RGS6: variants seen among roughly 807,000 people sequenced by gnomAD.
The protein encoded by RGS6 is regulator of G-protein signaling 6.
Under a neutral mutation model 78.5 loss-of-function variants are expected in RGS6, and 30 were observed. The observed-to-expected ratio is 0.38, with a 90% CI of 0.29 to 0.52. RGS6 has a LOEUF of 0.52. RGS6 is among the 20% of genes least tolerant of loss of function. RGS6 has a pLI of 0.85. For missense variants in RGS6, 495 were observed against 609.7 expected (o/e 0.81, Z 1.98); for synonymous variants, 206 against 206.0 (o/e 1.00, Z 0.00).
At chr14:72,547,880 G>GT (rs1467565874) in intron 17 of RGS6, among the ~76,000 whole-genome samples, 1 of 152,166 alleles carries the variant, frequency 6.6e-6, no homozygotes, top group Admixed American at 6.5e-5. Flanking sequence ...CACCCCCCGT[G>GT]GCGGTCTGGC....
At chr14:71,964,189 T>C (rs1347644202) in intron 1 of RGS6, among the ~76,000 whole-genome samples, 1 of 152,212 alleles carries the variant, frequency 6.6e-6, no homozygotes. Flanking sequence ...AATGATTGGC[T>C]TCAACTGTCT....
intron 3 of RGS6, among the ~76,000 whole-genome samples, chr14:72,384,831 A>G (rs1472807679): frequency 1.3e-5 from 2 of 152,096 alleles, no homozygotes; most frequent in Admixed American, 6.6e-5. Context: ...TCTCACTGCA[A>G]TCTCCGCCTC....
At chr14:72,112,343 G>T (rs1271134970) in intron 2 of RGS6, among the ~76,000 whole-genome samples, 2 of 152,122 alleles carry the variant, frequency 1.3e-5, no homozygotes, top group African/African-American at 4.8e-5. Flanking sequence ...CCCATATTAG[G>T]CTGCTAAGGT....
chr14:72,287,762 T>A (rs1393787629), intron 2 of RGS6, among the ~76,000 whole-genome samples: 1 of 152,216 alleles, frequency 6.6e-6, no homozygotes, highest in Admixed American at 6.5e-5. Flanking sequence ...CCAGCCAACT[T>A]TTTTATATTG....
chr14:72,412,387 G>T (rs1311320996), intron 3 of RGS6, among the ~76,000 whole-genome samples: 1 of 151,940 alleles, frequency 6.6e-6, no homozygotes, highest in Non-Finnish European at 1.5e-5. Context: ...ATGGTAGTTT[G>T]TATTTCTGTG....
chr14:72,551,783 ACACT>A (rs1039508688), intron 17 of RGS6, among the ~76,000 whole-genome samples: 3 of 152,264 alleles, frequency 2.0e-5, no homozygotes, highest in Admixed American at 6.5e-5. Flanking sequence ...TTGGGAGCTC[ACACT>A]CACAGTGTTG....
chr14:71,931,018 G>T (rs1334716683), upstream of RGS6, among the ~76,000 whole-genome samples: 3 of 52,718 alleles, frequency 5.7e-5, no homozygotes. Context: ...AAAAAAAAAA[G>T]CAGAGCTCCT....
chr14:72,453,930 A>C (rs2095561989), intron 3 of RGS6, among the ~76,000 whole-genome samples: 1 of 152,224 alleles, frequency 6.6e-6, no homozygotes, highest in South Asian at 2.1e-4. Context: ...CAGGTCTGGA[A>C]GTGGCATATG....
At chr14:72,004,590 T>C (rs558642217) in intron 2 of RGS6, among the ~76,000 whole-genome samples, 1 of 152,288 alleles carries the variant, frequency 6.6e-6, no homozygotes, top group South Asian at 2.1e-4. Context: ...TCCCAACATT[T>C]TGGGAGGCCA....
intron 2 of RGS6, among the ~76,000 whole-genome samples, chr14:72,125,893 A>C (rs780170313): frequency 6.6e-6 from 1 of 152,236 alleles, no homozygotes; most frequent in East Asian, 1.9e-4. Context: ...ACTGACCTCA[A>C]GTTCCTATAA....
At chr14:71,880,291 G>GAA in the RGS6 span, among the ~76,000 whole-genome samples, 1 of 152,222 alleles carries the variant, frequency 6.6e-6, no homozygotes, top group Admixed American at 6.5e-5. Flanking sequence ...CAATGCTGTA[G>GAA]AAAAGAAAAT....
Position 72,062,328 on chromosome 14 carries a change from A to G in RGS6, c.84+97453A>G, listed in dbSNP as rs2093934730. On this transcript the variant is annotated intron_variant, in intron 2 of 17. Coordinates refer to ENST00000553525, the MANE Select transcript of RGS6 (RefSeq NM_001204424.2). ...GAGCAAGTGAGGAGAGGTGGGTAGG[A>G]GATGAAGCCAGAGACGTGGTCAAGA... is the stretch of plus-strand genomic sequence containing the variant. Among the ~76,000 whole-genome samples, 8 of 152,188 alleles carry G rather than the reference A, an allele frequency of 5.3e-5. No individual in the cohort carries two copies. In the South Asian group the frequency reaches 1.5e-3, roughly 28 times the overall value.
At chr14:72,315,259 G>C (rs377624809) in intron 2 of RGS6, among the ~76,000 whole-genome samples, 1 of 152,336 alleles carries the variant, frequency 6.6e-6, no homozygotes, top group East Asian at 1.9e-4. Flanking sequence ...GTCCAAGGTA[G>C]AGAAATAACA....
intron 1 of RGS6, among the ~76,000 whole-genome samples, chr14:71,941,602 G>A (rs2090574791): frequency 6.6e-6 from 1 of 152,198 alleles, no homozygotes; most frequent in African/African-American, 2.4e-5. Flanking sequence ...TGAAGAACTT[G>A]GAGTCAGATG....
intron 2 of RGS6, among the ~76,000 whole-genome samples, chr14:72,115,004 C>G (rs986936333): frequency 1.3e-5 from 2 of 152,200 alleles, no homozygotes; most frequent in Non-Finnish European, 2.9e-5. Context: ...GCTCCTTTAT[C>G]TAACAGATCA....
intron 3 of RGS6, among the ~76,000 whole-genome samples, chr14:72,414,241 C>T (rs1224129865): frequency 1.3e-5 from 2 of 152,180 alleles, no homozygotes; most frequent in East Asian, 1.9e-4. Flanking sequence ...CACATACTCC[C>T]GTATTTCTTG....
intron 2 of RGS6, among the ~76,000 whole-genome samples, chr14:72,149,252 A>G (rs1305722301): frequency 6.6e-6 from 1 of 152,170 alleles, no homozygotes; most frequent in Non-Finnish European, 1.5e-5. Flanking sequence ...ATCACCTTTC[A>G]TGACCTCGCC....
At chr14:72,136,134 T>G (rs2096435349) in intron 2 of RGS6, among the ~76,000 whole-genome samples, 1 of 152,154 alleles carries the variant, frequency 6.6e-6, no homozygotes, top group African/African-American at 2.4e-5. Flanking sequence ...CTCACTTGCT[T>G]AAGTCATCGA....
chr14:71,879,425 T>C, the RGS6 span, among the ~76,000 whole-genome samples: 1 of 152,178 alleles, frequency 6.6e-6, no homozygotes, highest in African/African-American at 2.4e-5. Flanking sequence ...TATAGTGTTG[T>C]GAATATTAAA....
Sources: allele counts gnomAD v4.1 joint callset (sites outside exome capture counted in the v4.1 genomes callset), GRCh38; gene constraint gnomAD v4.1.1; transcripts MANE v1.5; gene names NCBI Gene and HGNC (gene_info 2026-07-23, HGNC 2026-07-21).